Variants in CLEC4A observed in about 807,000 individuals in gnomAD.
The protein encoded by CLEC4A is C-type lectin domain family 4 member A.
In CLEC4A, 27 loss-of-function variants were observed where a neutral mutation model predicts 32.7. The ratio of observed to expected loss-of-function variants is 0.83; its 90% CI spans 0.61 to 1.14. The LOEUF is 1.14. Among genes scored for constraint, CLEC4A ranks in the 50% most tolerant of loss-of-function variants. CLEC4A has a pLI of 0.00. For missense variants in CLEC4A, 253 were observed against 274.6 expected (o/e 0.92, Z 0.55); for synonymous variants, 89 against 93.7 (o/e 0.95, Z 0.29).
At chr12:8,124,061 T>C in intron 1 of CLEC4A, 101 bp downstream of exon 1, 11 of 786,246 alleles carry the variant, frequency 1.4e-5, no homozygotes, top group Non-Finnish European at 2.4e-5. Flanking sequence ...GGTTGTCTGA[T>C]TGAGTATGTC....
chr12:8,131,437 C>G (rs1947994786), intron 3 of CLEC4A, among the ~76,000 whole-genome samples: 1 of 152,186 alleles, frequency 6.6e-6, no homozygotes, highest in Admixed American at 6.5e-5. Flanking sequence ...GCTGCAGAAC[C>G]TTGAAGAGCC....
chr12:8,128,444 T>C (rs753495577), intron 2 of CLEC4A, among the ~76,000 whole-genome samples: 1 of 149,682 alleles, frequency 6.7e-6, no homozygotes, highest in South Asian at 2.1e-4. Flanking sequence ...GGAGTCTTGC[T>C]CCGTCACCCA....
intron 3 of CLEC4A, chr12:8,134,227 C>T: frequency 6.2e-7 from 1 of 1,611,952 alleles, no homozygotes; most frequent in South Asian, 1.1e-5. Flanking sequence ...TGTCAGCTTC[C>T]TCCACCCACT....
upstream of CLEC4A, among the ~76,000 whole-genome samples, chr12:8,120,060 T>C (rs79775445): frequency 7.2e-4 from 109 of 152,324 alleles, 1 homozygote; most frequent in East Asian, 0.019. Context: ...AAATTTCCAT[T>C]GACCCCATTG....
chr12:8,137,023 G>C (rs1948133739), intron 5 of CLEC4A, 120 bp downstream of exon 5: 1 of 575,014 alleles, frequency 1.7e-6, no homozygotes. Context: ...TTGGGTACTA[G>C]GTTAAATAAT....
chr12:8,122,803 T>C (rs1014982613), upstream of CLEC4A, among the ~76,000 whole-genome samples: 5 of 151,900 alleles, frequency 3.3e-5, no homozygotes, highest in Admixed American at 6.6e-5. Flanking sequence ...AATATAGAAA[T>C]ATAGACGTGT....
intron 4 of CLEC4A, among the ~76,000 whole-genome samples, chr12:8,136,316 G>C (rs1948114930): frequency 6.6e-6 from 1 of 152,204 alleles, no homozygotes; most frequent in Non-Finnish European, 1.5e-5. Flanking sequence ...TGTAATCCCA[G>C]CACTTTGGGA....
rs143608533 is a variant in CLEC4A, at chr12:8,135,583, A to T, written c.299-2A>T. 7.6e-5 allele frequency: 123 copies of T among 1,614,002 alleles called. No individual in the cohort carries two copies. Among genetic ancestry groups the T allele is most frequent in the Middle Eastern group, 4.9e-4 (3 of 6,062 alleles). Reference sequence around the variant, plus strand: ...ACGTATGTGCCCCTCTTCCCAATACAGAGACAGCCTGGAGCTGTTGCCCAA... The same window carrying T: ...ACGTATGTGCCCCTCTTCCCAATACTGAGACAGCCTGGAGCTGTTGCCCAA... On this transcript the variant is annotated splice_acceptor_variant, in intron 3 of 5. Coordinates refer to ENST00000229332, the MANE Select transcript of CLEC4A (RefSeq NM_016184.4). LOFTEE classifies it high-confidence loss of function.
the CLEC4A span, among the ~76,000 whole-genome samples, chr12:8,106,178 G>A: frequency 6.6e-6 from 1 of 152,100 alleles, no homozygotes; most frequent in East Asian, 1.9e-4. Context: ...TGTCAACTTT[G>A]TCAAAGATAA....
Position 8,128,057 on chromosome 12 carries a change from A to G in CLEC4A, c.200-1207A>G, listed in dbSNP as rs138558894. On this transcript the variant is annotated intron_variant, in intron 2 of 5. Transcript: ENST00000229332. Reference sequence around the variant, plus strand: ...GCAGGTGATGCCGTGGGAATATATGATATCACTCACGGAGATAACTTAGTA... The same window carrying G: ...GCAGGTGATGCCGTGGGAATATATGGTATCACTCACGGAGATAACTTAGTA... Among the ~76,000 whole-genome samples the G allele has an allele frequency of 5.2e-3, 791 of 152,150 alleles. 5 individuals carry two copies. The highest frequency in any genetic ancestry group is 0.018 in the African/African-American group (762 of 41,396).
chr12:8,105,308 T>C, the CLEC4A span, among the ~76,000 whole-genome samples: 1 of 152,130 alleles, frequency 6.6e-6, no homozygotes, highest in Non-Finnish European at 1.5e-5. Flanking sequence ...GGTTTTGATT[T>C]GTGTTTCTCT....
chr12:8,135,602 T>C lies in CLEC4A; in HGVS notation c.316T>C (p.Cys106Arg). 3.1e-6 allele frequency: 5 copies of C among 1,614,200 alleles called. No individual in the cohort carries two copies. Among genetic ancestry groups the C allele is most frequent in the Non-Finnish European group, 4.2e-6 (5 of 1,180,018 alleles). ...MPVEETAWSCCPKNWKSFSSN... is the reference protein window; with the variant it reads ...MPVEETAWSCRPKNWKSFSSN... Reference sequence around the variant, plus strand: ...CAATACAGAGACAGCCTGGAGCTGTTGCCCAAAGAATTGGAAGTCATTTAG... The same window carrying C: ...CAATACAGAGACAGCCTGGAGCTGTCGCCCAAAGAATTGGAAGTCATTTAG... The change falls in exon 4 of 6, where the codon TGC becomes CGC. Residue 106 changes from cysteine to arginine, a missense_variant. Transcript: ENST00000229332.
At chr12:8,135,793 T>C in intron 4 of CLEC4A, 57 bp downstream of exon 4, 1 of 1,565,524 alleles carries the variant, frequency 6.4e-7, no homozygotes, top group Non-Finnish European at 8.7e-7. Context: ...TATATCTCTC[T>C]TGGCTAAGAA....
Position 8,134,470 on chromosome 12 carries a change from TCTC to T in CLEC4A, c.299-1112_299-1110del, listed in dbSNP as rs758810169. ...GACTCCTCCGGGTTTTGCTCCAGCT[TCTC>T]CTTCTCCAGCTTCACGGCACCAGAG... On this transcript the variant is annotated intron_variant, in intron 3 of 5. Transcript: ENST00000229332. 5 of 1,613,852 alleles carry T rather than the reference TCTC, an allele frequency of 3.1e-6. No homozygotes were observed. The South Asian group carries it at 4.4e-5, about 14-fold the overall frequency.
chr12:8,114,151 A>C, the CLEC4A span, among the ~76,000 whole-genome samples: 2 of 152,352 alleles, frequency 1.3e-5, no homozygotes, highest in East Asian at 3.9e-4. Context: ...AGAGGAGTCC[A>C]TACGGTGCTC....
intron 3 of CLEC4A, among the ~76,000 whole-genome samples, chr12:8,132,873 T>G (rs1397473689): frequency 2.0e-5 from 3 of 152,078 alleles, no homozygotes; most frequent in African/African-American, 4.8e-5. Context: ...TTCTGTCTAG[T>G]TTTTTTGTTT....
the CLEC4A span, among the ~76,000 whole-genome samples, chr12:8,105,639 C>T: frequency 5.9e-5 from 9 of 152,200 alleles, no homozygotes; most frequent in Middle Eastern, 3.4e-3. Context: ...CATGAGCCAC[C>T]GTGCCCGGCT....
chr12:8,103,262 C>T, the CLEC4A span, among the ~76,000 whole-genome samples: 1 of 151,036 alleles, frequency 6.6e-6, no homozygotes, highest in Admixed American at 6.6e-5. Context: ...AATAATTCTT[C>T]TTTGCTTATA....
the CLEC4A span, among the ~76,000 whole-genome samples, chr12:8,113,629 C>T: frequency 6.6e-6 from 1 of 152,162 alleles, no homozygotes; most frequent in Non-Finnish European, 1.5e-5. Context: ...ATTAGCAAAC[C>T]TCAGAATAAA....
Sources: allele counts gnomAD v4.1 joint callset (sites outside exome capture counted in the v4.1 genomes callset), GRCh38; gene constraint gnomAD v4.1.1; transcripts MANE v1.5; gene names NCBI Gene and HGNC (gene_info 2026-07-23, HGNC 2026-07-21).